SBF2: variants seen among roughly 807,000 people sequenced by gnomAD.
SBF2 encodes SET binding factor 2, also known as myotubularin-related protein 13.
SBF2 carries 112 observed loss-of-function variants against 225.2 expected under a neutral mutation model. The observed-to-expected ratio is 0.50, with a 90% confidence interval of 0.43 to 0.58. The LOEUF (loss-of-function observed/expected upper bound fraction) is 0.58. SBF2 is among the 20% of genes least tolerant of loss of function. SBF2 has a pLI of 0.00. For synonymous variants in SBF2, 763 were observed against 773.3 expected (o/e 0.99, Z 0.22); for missense variants, 1,996 against 2,206.2 (o/e 0.90, Z 1.91).
At chr11:10,289,762 T>A (rs571044119) in intron 1 of SBF2, among the ~76,000 whole-genome samples, 31 of 152,266 alleles carry the variant, frequency 2.0e-4, no homozygotes, top group Non-Finnish European at 4.0e-4. Context: ...AAGCAGGCAC[T>A]GCTCCCACTT....
intron 1 of SBF2, among the ~76,000 whole-genome samples, chr11:10,198,618 A>T (rs1441587649): frequency 6.6e-6 from 1 of 152,240 alleles, no homozygotes; most frequent in African/African-American, 2.4e-5. Flanking sequence ...CCAAGCATTT[A>T]CTTCTGCTCT....
chr11:10,158,793 T>C (rs1955587114), intron 2 of SBF2, among the ~76,000 whole-genome samples: 1 of 152,216 alleles, frequency 6.6e-6, no homozygotes, highest in South Asian at 2.1e-4. Context: ...GCAAACATCC[T>C]ATACCATCAT....
rs141654986 is a variant in SBF2, at chr11:9,780,002, A to T, written c.*416T>A. 8.9e-4 allele frequency: 239 copies of T among 268,472 alleles called. 2 individuals carry two copies. Among genetic ancestry groups the T allele is most frequent in the African/African-American group, 5.1e-3 (234 of 45,918 alleles). The allele number at this position is 268,472 out of a possible 1,614,324, so 16.6% of individuals were successfully genotyped here. ...ACCTAGTCCAGGTAGAATATGAGACAATCTTGGAGGGTTTTGATTTTTGCT... is the reference window on the plus strand; with the variant it reads ...ACCTAGTCCAGGTAGAATATGAGACTATCTTGGAGGGTTTTGATTTTTGCT... On this transcript the variant is annotated 3_prime_UTR_variant, in exon 40 of 40. Coordinates refer to ENST00000256190, the MANE Select transcript of SBF2 (RefSeq NM_030962.4).
intron 13 of SBF2, among the ~76,000 whole-genome samples, chr11:9,971,100 G>T (rs1229826740): frequency 2.0e-5 from 3 of 151,032 alleles, no homozygotes; most frequent in African/African-American, 7.3e-5. Context: ...TTTTTTTTCA[G>T]GCTGGCCAGG....
intron 30 of SBF2, among the ~76,000 whole-genome samples, chr11:9,809,718 G>T (rs544120125): frequency 5.9e-5 from 9 of 151,888 alleles, no homozygotes; most frequent in Admixed American, 2.6e-4. Flanking sequence ...CTAATTTTTT[G>T]TATTTTTAGT....
chr11:10,258,166 G>A (rs751450667), intron 1 of SBF2, among the ~76,000 whole-genome samples: 1 of 150,868 alleles, frequency 6.6e-6, no homozygotes, highest in Non-Finnish European at 1.5e-5. Flanking sequence ...AATGAGTGGT[G>A]CGATCAAACC....
Position 9,845,609 on chromosome 11 carries a change from T to C in SBF2, c.3066A>G (p.Pro1022=). 6.2e-7 allele frequency: 1 copy of C among 1,613,956 alleles called. No individual in the cohort carries two copies. Among genetic ancestry groups the C allele is most frequent in the Non-Finnish European group, 8.5e-7 (1 of 1,179,808 alleles). The change falls in exon 24 of 40, where the codon CCA becomes CCG. Residue 1022 remains proline, a synonymous_variant. Transcript: ENST00000256190. ...TFAFAAGQTT[P]QIILPKQKEK... is the part of the protein sequence containing the mutation. ...CCTTCTGTTTTGGTAAAATTATTTG[T>C]GGGGTAGTTTGTCCAGCAGCAAAAG...
intron 16 of SBF2, among the ~76,000 whole-genome samples, chr11:9,934,063 C>G (rs1027690540): frequency 7.4e-5 from 11 of 148,898 alleles, no homozygotes; most frequent in Admixed American, 2.0e-4. Flanking sequence ...GCCTGGGTGA[C>G]AGAGCGAGAC....
intron 1 of SBF2, among the ~76,000 whole-genome samples, chr11:10,284,719 T>A (rs1239454610): frequency 1.3e-5 from 2 of 151,942 alleles, no homozygotes. Flanking sequence ...CAAGTAATGC[T>A]CCCACCTCAA....
At chr11:10,079,992 A>T (rs1412898768) in intron 2 of SBF2, among the ~76,000 whole-genome samples, 1 of 151,872 alleles carries the variant, frequency 6.6e-6, no homozygotes, top group Non-Finnish European at 1.5e-5. Flanking sequence ...TCATGCCTGT[A>T]ATCCCTGCAC....
chr11:9,844,813 T>G (rs915266501), intron 24 of SBF2, among the ~76,000 whole-genome samples: 1 of 152,128 alleles, frequency 6.6e-6, no homozygotes, highest in Non-Finnish European at 1.5e-5. Flanking sequence ...ACCTAGATGA[T>G]GGATTGATGG....
chr11:10,045,683 C>G (rs1949833923), intron 2 of SBF2, among the ~76,000 whole-genome samples: 1 of 152,162 alleles, frequency 6.6e-6, no homozygotes, highest in Non-Finnish European at 1.5e-5. Context: ...GAATATTATG[C>G]ACAAGTCTAT....
At chr11:9,871,334 C>T (rs969976320) in intron 17 of SBF2, among the ~76,000 whole-genome samples, 1 of 151,658 alleles carries the variant, frequency 6.6e-6, no homozygotes, top group Non-Finnish European at 1.5e-5. Flanking sequence ...AGGCAAAGGA[C>T]ATGAACAGAC....
intron 2 of SBF2, among the ~76,000 whole-genome samples, chr11:10,153,946 T>C (rs894541089): frequency 1.3e-5 from 2 of 152,114 alleles, no homozygotes; most frequent in African/African-American, 4.8e-5. Context: ...ATAATCTTTA[T>C]ACATTTTTTT....
chr11:10,265,043 C>T (rs937787937), intron 1 of SBF2, among the ~76,000 whole-genome samples: 3 of 152,066 alleles, frequency 2.0e-5, no homozygotes, highest in Admixed American at 6.6e-5. Context: ...AGTAAACATA[C>T]GTGTGCATGT....
chr11:10,288,977 T>C (rs1182336169), intron 1 of SBF2, among the ~76,000 whole-genome samples: 1 of 152,150 alleles, frequency 6.6e-6, no homozygotes, highest in African/African-American at 2.4e-5. Context: ...CCTTCCGCCA[T>C]CCACGACGCC....
At chr11:9,830,231 C>A (rs1320675299) in intron 27 of SBF2, among the ~76,000 whole-genome samples, 1 of 152,130 alleles carries the variant, frequency 6.6e-6, no homozygotes, top group Non-Finnish European at 1.5e-5. Context: ...ACTACAAGGA[C>A]AACAGATATT....
chr11:10,288,326 G>C (rs1284312645), intron 1 of SBF2, among the ~76,000 whole-genome samples: 1 of 152,184 alleles, frequency 6.6e-6, no homozygotes, highest in Admixed American at 6.5e-5. Context: ...AAGACAAAGA[G>C]GAACTTTACT....
At chr11:10,051,870 T>G (rs143141548) in intron 2 of SBF2, among the ~76,000 whole-genome samples, 42 of 152,240 alleles carry the variant, frequency 2.8e-4, no homozygotes, top group African/African-American at 9.1e-4. Flanking sequence ...AAACTCACAA[T>G]TTAATGAGAA....
Sources: allele counts gnomAD v4.1 joint callset (sites outside exome capture counted in the v4.1 genomes callset), GRCh38; gene constraint gnomAD v4.1.1; transcripts MANE v1.5; gene names NCBI Gene and HGNC (gene_info 2026-07-23, HGNC 2026-07-21).